Variants in RAP1GDS1 observed in about 807,000 individuals in gnomAD.
RAP1GDS1 encodes the protein Rap1 GTPase-GDP dissociation stimulator 1, also known as RAP1, GTP-GDP dissociation stimulator 1.
A neutral mutation model predicts 71.1 loss-of-function variants in RAP1GDS1; 35 were observed. The ratio of observed to expected loss-of-function variants is 0.49; its 90% CI spans 0.38 to 0.65. RAP1GDS1 has a LOEUF of 0.65. Ranked by LOEUF, RAP1GDS1 falls within the 30% of genes least tolerant of loss-of-function variation. The pLI is 0.00. For synonymous variants in RAP1GDS1, 229 were observed against 243.1 expected (o/e 0.94, Z 0.54); for missense variants, 663 against 706.1 (o/e 0.94, Z 0.69).
At chr4:98,302,554 A>G (rs886523138) in intron 2 of RAP1GDS1, among the ~76,000 whole-genome samples, 1 of 152,244 alleles carries the variant, frequency 6.6e-6, no homozygotes, top group Non-Finnish European at 1.5e-5. Flanking sequence ...AAACAGAGAT[A>G]GTATTTAAAA....
chr4:98,391,843 A>G (rs1743724641), intron 5 of RAP1GDS1, 109 bp from the exon 6 acceptor site: 2 of 1,070,536 alleles, frequency 1.9e-6, no homozygotes, highest in South Asian at 4.2e-5. Flanking sequence ...TGTAATTTAA[A>G]TAACTTTGAG....
intron 5 of RAP1GDS1, among the ~76,000 whole-genome samples, chr4:98,380,910 T>A (rs1164348598): frequency 2.0e-5 from 3 of 151,630 alleles, no homozygotes; most frequent in African/African-American, 7.3e-5. Context: ...TAAAAAAAAA[T>A]CTGTATAGAG....
intron 2 of RAP1GDS1, among the ~76,000 whole-genome samples, chr4:98,341,376 A>G (rs1286301545): frequency 1.3e-5 from 2 of 152,212 alleles, no homozygotes; most frequent in Non-Finnish European, 2.9e-5. Context: ...ATTGGAGTGC[A>G]AGAGTTAGCA....
intron 11 of RAP1GDS1, 126 bp downstream of exon 11, chr4:98,420,270 TA>T (rs1748628820): frequency 1.0e-6 from 1 of 965,432 alleles, no homozygotes; most frequent in Non-Finnish European, 1.4e-6. Context: ...ATAAAAGATT[TA>T]AAAGTTGGTT....
chr4:98,322,922 G>T (rs1285311176), intron 2 of RAP1GDS1, among the ~76,000 whole-genome samples: 3 of 114,502 alleles, frequency 2.6e-5, no homozygotes, highest in Non-Finnish European at 4.8e-5. Context: ...ACTAAAATCA[G>T]AGCAGAACTG....
intron 7 of RAP1GDS1, among the ~76,000 whole-genome samples, chr4:98,416,381 C>G (rs1335241117): frequency 9.7e-6 from 1 of 103,522 alleles, no homozygotes; most frequent in Non-Finnish European, 1.7e-5. Flanking sequence ...GAGTCTCGCT[C>G]TATTGCCCAG....
intron 5 of RAP1GDS1, among the ~76,000 whole-genome samples, chr4:98,385,121 T>C (rs1054813927): frequency 6.6e-6 from 1 of 151,782 alleles, no homozygotes; most frequent in Non-Finnish European, 1.5e-5. Context: ...CTGATTTTGA[T>C]TTCATCCTTA....
chr4:98,324,314 A>G (rs991632657), intron 2 of RAP1GDS1, among the ~76,000 whole-genome samples: 46 of 152,082 alleles, frequency 3.0e-4, no homozygotes, highest in Non-Finnish European at 4.1e-4. Context: ...ATGGGTAGGA[A>G]GAATCAATAT....
chr4:98,405,336 G>A (rs1182037827), intron 7 of RAP1GDS1, among the ~76,000 whole-genome samples: 4 of 152,140 alleles, frequency 2.6e-5, no homozygotes, highest in Non-Finnish European at 4.4e-5. Context: ...AATTCAGTGG[G>A]TGGTTTAATA....
intron 1 of RAP1GDS1, among the ~76,000 whole-genome samples, chr4:98,280,666 A>G (rs1379580252): frequency 1.3e-5 from 2 of 151,976 alleles, no homozygotes; most frequent in Non-Finnish European, 2.9e-5. Flanking sequence ...TTGGTGTTTT[A>G]GTCATGAAGT....
At chr4:98,425,804 T>G (rs551051742) in intron 12 of RAP1GDS1, among the ~76,000 whole-genome samples, 6 of 152,076 alleles carry the variant, frequency 3.9e-5, no homozygotes, top group Non-Finnish European at 5.9e-5. Context: ...CTGACAGCAT[T>G]AAAGAGGTTA....
intron 1 of RAP1GDS1, among the ~76,000 whole-genome samples, chr4:98,288,133 A>G (rs1201847860): frequency 6.6e-6 from 1 of 152,016 alleles, no homozygotes; most frequent in Non-Finnish European, 1.5e-5. Flanking sequence ...TGTACCCATT[A>G]ACTCGTCATT....
chr4:98,299,101 G>T (rs369396952), intron 2 of RAP1GDS1, among the ~76,000 whole-genome samples: 10 of 151,892 alleles, frequency 6.6e-5, no homozygotes, highest in African/African-American at 2.2e-4. Context: ...TGTTCCCCCC[G>T]CTGTGTCCAA....
At chr4:98,336,909 T>C (rs1012288723) in intron 2 of RAP1GDS1, among the ~76,000 whole-genome samples, 1 of 152,136 alleles carries the variant, frequency 6.6e-6, no homozygotes, top group African/African-American at 2.4e-5. Context: ...TTTTGTTTTT[T>C]CTTGAGGCAG....
rs555513280 is a variant in RAP1GDS1 at position 98,404,261 on chromosome 4, C to T, written c.638-216C>T. Among the ~76,000 whole-genome samples the T allele has an allele frequency of 2.6e-5, 4 of 152,112 alleles. No homozygotes were observed. In the South Asian group the frequency reaches 8.3e-4, roughly 32 times the overall value. Reference sequence around the variant, plus strand: ...GTTGTTGCTGTGGTTACTAGAGAACCTTTTTTTATAGCTCAAATATAATTG... The same window carrying T: ...GTTGTTGCTGTGGTTACTAGAGAACTTTTTTTTATAGCTCAAATATAATTG... On this transcript the variant is annotated intron_variant, in intron 6 of 14. Coordinates refer to ENST00000408927, the MANE Select transcript of RAP1GDS1 (RefSeq NM_001100427.2).
intron 1 of RAP1GDS1, among the ~76,000 whole-genome samples, chr4:98,263,892 C>A (rs1042415793): frequency 6.6e-6 from 1 of 152,132 alleles, no homozygotes; most frequent in African/African-American, 2.4e-5. Flanking sequence ...CTCAGGCAAT[C>A]TGTTTCCTTC....
In RAP1GDS1 at chr4:98,416,761, G is replaced by C; in HGVS notation, c.780G>C (p.Gln260His). The change falls in exon 8 of 15, where the codon CAG becomes CAC. Residue 260 changes from glutamine (Q) to histidine (H), a missense_variant. Transcript: ENST00000408927. Reference sequence around the variant, plus strand: ...GTTCTTTAGATGCTATTAAACTACAGCTGGTTGAAGCAGGCCTAGTAGAGT... The same window carrying C: ...GTTCTTTAGATGCTATTAAACTACACCTGGTTGAAGCAGGCCTAGTAGAGT... ...PLAENDAIKL[Q>H]LVEAGLVECL... is the part of the protein sequence containing the mutation. The C allele has an allele frequency of 6.9e-6, 11 of 1,604,738 alleles. No individual in the cohort carries two copies. Among genetic ancestry groups the C allele is most frequent in the African/African-American group, 1.3e-5 (1 of 74,706 alleles).
At chr4:98,300,161 A>G (rs1192944357) in intron 2 of RAP1GDS1, among the ~76,000 whole-genome samples, 3 of 152,198 alleles carry the variant, frequency 2.0e-5, no homozygotes, top group African/African-American at 7.2e-5. Context: ...TCTTATTTTA[A>G]GAAGTTGACA....
chr4:98,417,286 T>G (rs1251626012), intron 8 of RAP1GDS1, 81 bp from the exon 9 acceptor site: 2 of 1,390,846 alleles, frequency 1.4e-6, no homozygotes, highest in Non-Finnish European at 2.0e-6. Context: ...GAGTTTCCAG[T>G]TGGATATTCA....
Sources: allele counts gnomAD v4.1 joint callset (sites outside exome capture counted in the v4.1 genomes callset), GRCh38; gene constraint gnomAD v4.1.1; transcripts MANE v1.5; gene names NCBI Gene and HGNC (gene_info 2026-07-23, HGNC 2026-07-21).